ITGAM: variants seen among roughly 807,000 people sequenced by gnomAD.
ITGAM encodes the protein integrin alpha-M.
Under a neutral mutation model 137.5 loss-of-function variants are expected in ITGAM, and 79 were observed. The observed-to-expected ratio is 0.57, with a 90% CI of 0.48 to 0.69. The LOEUF (loss-of-function observed/expected upper bound fraction) is 0.69. ITGAM is among the 30% of genes least tolerant of loss of function. The pLI, the probability that ITGAM is intolerant of heterozygous loss-of-function variation, is 0.00. For synonymous variants in ITGAM, 583 were observed against 592.3 expected (o/e 0.98, Z 0.23); for missense variants, 1,343 against 1,483.5 (o/e 0.91, Z 1.56).
At chr16:31,291,779 G>C (rs1251297531) in intron 12 of ITGAM, among the ~76,000 whole-genome samples, 1 of 152,092 alleles carries the variant, frequency 6.6e-6, no homozygotes, top group Non-Finnish European at 1.5e-5. Context: ...TGGGTTACTA[G>C]AGACTGGGAA....
Position 31,260,106 on chromosome 16 carries a change from G to A in ITGAM, c.28+14G>A. On this transcript the variant is annotated intron_variant, in intron 1 of 29. Transcript: ENST00000544665. The stretch of plus-strand genomic sequence containing the variant: ...TTCTGTTAACAGGTGCATGGGGGTG[G>A]GGTGGGGGACTCTGGGTGGGGAGGA... 3 of 1,556,422 alleles carry A rather than the reference G, an allele frequency of 1.9e-6. No individual in the cohort carries two copies. Among genetic ancestry groups the A allele is most frequent in the Non-Finnish European group, 2.6e-6 (3 of 1,143,878 alleles).
At chr16:31,270,391 C>T (rs2079819705) in intron 5 of ITGAM, among the ~76,000 whole-genome samples, 1 of 151,910 alleles carries the variant, frequency 6.6e-6, no homozygotes, top group Non-Finnish European at 1.5e-5. Flanking sequence ...TGTGAGCCAC[C>T]TCGCCCAGCT....
intron 5 of ITGAM, among the ~76,000 whole-genome samples, chr16:31,270,734 TATATATATATG>T (rs1242255644): frequency 4.4e-5 from 5 of 114,886 alleles, no homozygotes; most frequent in African/African-American, 7.4e-5. Flanking sequence ...TATATATATA[TATATATATATG>T]TTTTTAACGT....
At chr16:31,287,960 G>A (rs745764290) in intron 12 of ITGAM, among the ~76,000 whole-genome samples, 2 of 152,240 alleles carry the variant, frequency 1.3e-5, no homozygotes, top group African/African-American at 2.4e-5. Context: ...ACAAGTACAC[G>A]CACATTACCA....
chr16:31,295,175 A>AT (rs957706948), intron 12 of ITGAM, among the ~76,000 whole-genome samples: 1 of 151,456 alleles, frequency 6.6e-6, no homozygotes, highest in African/African-American at 2.4e-5. Flanking sequence ...TGCCTCCAGT[A>AT]TTTTTTTTCT....
At chr16:31,274,750 G>A (rs950083923) in intron 8 of ITGAM, among the ~76,000 whole-genome samples, 35 of 152,054 alleles carry the variant, frequency 2.3e-4, no homozygotes, top group African/African-American at 7.7e-4. Context: ...GAGTAGCTGG[G>A]ACTACAGGCA....
chr16:31,311,626 C>T (rs1276691806), intron 14 of ITGAM, among the ~76,000 whole-genome samples: 1 of 152,180 alleles, frequency 6.6e-6, no homozygotes, highest in Non-Finnish European at 1.5e-5. Flanking sequence ...ATTAAAAAGT[C>T]AGGAAACAGC....
At position 31,270,963 on chromosome 16, in the gene ITGAM, A is replaced by T; in HGVS notation, c.437A>T (p.Gln146Leu). 1 of 1,552,728 alleles carries T rather than the reference A, an allele frequency of 6.4e-7. No homozygotes were observed. The highest frequency in any genetic ancestry group is 8.7e-7 in the Non-Finnish European group (1 of 1,144,544). Residue 146 changes from glutamine to leucine, a missense_variant, in exon 6 of 30, where the codon CAA becomes CTA. Coordinates refer to ENST00000544665, the MANE Select transcript of ITGAM (RefSeq NM_000632.4). ...KFPEALRGCP[Q>L]EDSDIAFLID... is the part of the protein sequence containing the mutation. ...TTTTCCCCTTCCCCAGGGTGTCCTC[A>T]AGAGGATAGTGACATTGCCTTCTTG...
At chr16:31,328,852 G>A (rs2080542161) in intron 23 of ITGAM, 1 of 386,694 alleles carries the variant, frequency 2.6e-6, no homozygotes, top group Middle Eastern at 8.0e-4. Context: ...TTGTGCATGT[G>A]TGTGAGGGTC....
intron 16 of ITGAM, among the ~76,000 whole-genome samples, chr16:31,323,644 T>A (rs963274605): frequency 1.3e-5 from 2 of 152,246 alleles, no homozygotes; most frequent in Admixed American, 1.3e-4. Context: ...ACTTATTGTA[T>A]AAAAGACACT....
intron 12 of ITGAM, among the ~76,000 whole-genome samples, chr16:31,284,128 G>T (rs948280989): frequency 5.9e-5 from 9 of 152,204 alleles, no homozygotes; most frequent in Non-Finnish European, 1.3e-4. Flanking sequence ...TGAGGTGTAA[G>T]TCGGCTCCTA....
In ITGAM at chr16:31,331,199, A is replaced by G; in HGVS notation, c.3311A>G (p.Asn1104Ser). The change falls in exon 29 of 30, where the codon AAC becomes AGC. Residue 1104 changes from asparagine to serine, a missense_variant. Asn to Ser is a conservative substitution (Grantham distance 46). Coordinates refer to ENST00000544665, the MANE Select transcript of ITGAM (RefSeq NM_000632.4). The stretch of plus-strand genomic sequence containing the variant: ...AAAGTGGAGCCGTTCGAGGTCCCCA[A>G]CCCCCTGCCGCTCATCGTGGGCAGC... ...ETKVEPFEVP[N>S]PLPLIVGSSV... The G allele has an allele frequency of 6.2e-7, 1 of 1,612,434 alleles. No individual in the cohort carries two copies. The highest frequency in any genetic ancestry group is 8.5e-7 in the Non-Finnish European group (1 of 1,179,252).
At chr16:31,325,189 C>G in intron 19 of ITGAM, 74 bp from the exon 20 acceptor site, 1 of 1,543,596 alleles carries the variant, frequency 6.5e-7, no homozygotes, top group Non-Finnish European at 8.7e-7. Context: ...GTCTGCGTCT[C>G]TGTTCTGCTG....
intron 8 of ITGAM, among the ~76,000 whole-genome samples, chr16:31,274,108 A>G (rs903698298): frequency 2.0e-5 from 3 of 152,226 alleles, no homozygotes; most frequent in Middle Eastern, 3.2e-3. Flanking sequence ...TCTTTCGCTG[A>G]TGCTATTTCA....
intron 14 of ITGAM, among the ~76,000 whole-genome samples, chr16:31,320,054 C>T (rs193059748): frequency 2.5e-4 from 38 of 152,192 alleles, no homozygotes; most frequent in East Asian, 9.6e-4. Flanking sequence ...CCTCGTGATC[C>T]GCCCACCTCA....
At chr16:31,305,797 G>A (rs370691469) in intron 14 of ITGAM, among the ~76,000 whole-genome samples, 56 of 152,020 alleles carry the variant, frequency 3.7e-4, no homozygotes, top group African/African-American at 1.2e-3. Flanking sequence ...CCATTCCTGC[G>A]TCCTTGGGAT....
At position 31,330,490 on chromosome 16, in the gene ITGAM, G is replaced by A. The variant is rs1239386379; in HGVS notation, c.3175-14G>A. ...CAGGGCCCAGGTGCAGTGCCCACCC[G>A]CTCTCTTCCACAGACCTCGCATAAC... is the stretch of plus-strand genomic sequence containing the variant. On this transcript the variant is annotated splice_polypyrimidine_tract_variant and intron_variant, in intron 27 of 29. Coordinates refer to ENST00000544665, the MANE Select transcript of ITGAM (RefSeq NM_000632.4). 6.2e-7 allele frequency: 1 copy of A among 1,613,214 alleles called. No homozygotes were observed. The highest frequency in any genetic ancestry group is 1.3e-5 in the African/African-American group (1 of 75,060).
At chr16:31,326,345 AG>A (rs1227682245) in intron 21 of ITGAM, among the ~76,000 whole-genome samples, 5 of 152,204 alleles carry the variant, frequency 3.3e-5, no homozygotes, top group African/African-American at 1.2e-4. Context: ...ATATTAAGCA[AG>A]GACTTAGCAA....
rs377233362 is a variant in ITGAM at position 31,297,564 on chromosome 16, C to T, written c.1407C>T (p.Asn469=). The change falls in exon 13 of 30, where the codon AAC becomes AAT. Residue 469 remains asparagine (N), a synonymous_variant. Coordinates refer to ENST00000544665, the MANE Select transcript of ITGAM (RefSeq NM_000632.4). ...ASLCSVDVDS[N]GSTDLVLIGA... ...TCTGCTCCGTGGACGTGGACAGCAA[C>T]GGCAGCACCGACCTGGTCCTCATCG... 2.8e-5 allele frequency: 45 copies of T among 1,612,086 alleles called. 1 individual carries two copies. Among genetic ancestry groups the T allele is most frequent in the South Asian group, 8.8e-5 (8 of 90,994 alleles).
Sources: allele counts gnomAD v4.1 joint callset (sites outside exome capture counted in the v4.1 genomes callset), GRCh38; gene constraint gnomAD v4.1.1; transcripts MANE v1.5; gene names NCBI Gene and HGNC (gene_info 2026-07-23, HGNC 2026-07-21).